The following KLF8 variants were observed in gnomAD, a reference collection of about 807,000 sequenced individuals.
KLF8 encodes Krueppel-like factor 8.
In KLF8, 10 loss-of-function variants were observed where a neutral mutation model predicts 18.2. The ratio of observed to expected loss-of-function variants is 0.55; its 90% confidence interval spans 0.34 to 0.93. The LOEUF is 0.93. KLF8 is among the 40% of genes least tolerant of loss of function. KLF8 has a pLI of 0.02. For synonymous variants in KLF8, 109 were observed against 97.3 expected, an observed-to-expected ratio of 1.12 and a Z score of -0.71; for missense variants, 264 against 277.9, an observed-to-expected ratio of 0.95 and a Z score of 0.36.
At chrX:56,155,665 A>G in the KLF8 span, among the ~76,000 whole-genome samples, 2 of 111,470 alleles carry the variant, frequency 1.8e-5, no homozygotes, top group African/African-American at 6.5e-5. Flanking sequence ...CTTTTTTTAA[A>G]TTTCAACTTT....
At chrX:56,184,740 C>T in the KLF8 span, among the ~76,000 whole-genome samples, 1 of 112,229 alleles carries the variant, frequency 8.9e-6, no homozygotes, top group Middle Eastern at 4.6e-3. Context: ...TCTGCAGCCA[C>T]TGCTGCTGAT....
the KLF8 span, among the ~76,000 whole-genome samples, chrX:56,035,624 A>G: frequency 8.9e-6 from 1 of 111,750 alleles, no homozygotes; most frequent in Non-Finnish European, 1.9e-5. Context: ...TTGCCAACAT[A>G]TGTTATTTTT....
At chrX:55,931,998 G>A in the KLF8 span, among the ~76,000 whole-genome samples, 5 of 110,665 alleles carry the variant, frequency 4.5e-5, no homozygotes, top group Non-Finnish European at 7.6e-5. Context: ...TTGTGTGGGA[G>A]TCTAAGTCTC....
the KLF8 span, among the ~76,000 whole-genome samples, chrX:56,043,158 G>A: frequency 3.6e-5 from 4 of 110,876 alleles, no homozygotes; most frequent in East Asian, 1.1e-3. Flanking sequence ...ATCTTTTCCA[G>A]CTTGTAGGGT....
chrX:55,933,007 T>A, the KLF8 span, among the ~76,000 whole-genome samples: 1 of 112,078 alleles, frequency 8.9e-6, no homozygotes, highest in East Asian at 2.8e-4. Flanking sequence ...TCTGTTTATG[T>A]CATTTCAGTG....
chrX:56,160,941 G>C, the KLF8 span, among the ~76,000 whole-genome samples: 1 of 111,116 alleles, frequency 9.0e-6, no homozygotes, highest in Non-Finnish European at 1.9e-5. Flanking sequence ...TATGATGTTA[G>C]CTGGTTATTT....
the KLF8 span, among the ~76,000 whole-genome samples, chrX:56,030,715 G>T: frequency 9.3e-6 from 1 of 107,607 alleles, no homozygotes; most frequent in Non-Finnish European, 1.9e-5. Context: ...GGGGCTGTGA[G>T]CTCAGGATTA....
the KLF8 span, among the ~76,000 whole-genome samples, chrX:56,149,363 T>A: frequency 9.0e-6 from 1 of 111,065 alleles, no homozygotes; most frequent in Admixed American, 9.7e-5. Flanking sequence ...TTCTTACATG[T>A]AAGTGGGAGC....
chrX:56,109,534 C>G, the KLF8 span, among the ~76,000 whole-genome samples: 1 of 111,256 alleles, frequency 9.0e-6, no homozygotes, highest in Non-Finnish European at 1.9e-5. Context: ...CATGTCCTCT[C>G]TTCTCTTGTT....
chrX:56,256,512 T>C (rs775062896), intron 2 of KLF8, among the ~76,000 whole-genome samples: 74 of 111,720 alleles, frequency 6.6e-4, no homozygotes, highest in African/African-American at 2.2e-3. Flanking sequence ...AGATTGTCTG[T>C]TTGAAGTTTT....
At chrX:55,971,094 A>T in the KLF8 span, among the ~76,000 whole-genome samples, 1 of 111,506 alleles carries the variant, frequency 9.0e-6, no homozygotes, top group Non-Finnish European at 1.9e-5. Flanking sequence ...CAACAGACCT[A>T]GAATAGCCAA....
At chrX:55,930,321 A>C in the KLF8 span, among the ~76,000 whole-genome samples, 14,557 of 111,318 alleles carry the variant, frequency 0.13, 1,737 homozygotes, top group African/African-American at 0.39. Context: ...CAGTCATGCT[A>C]TCTGCAAACC....
the KLF8 span, among the ~76,000 whole-genome samples, chrX:56,093,500 CAA>C: frequency 9.1e-6 from 1 of 110,033 alleles, no homozygotes; most frequent in Non-Finnish European, 1.9e-5. Context: ...CATTCACAGG[CAA>C]AGACTGAGGA....
At chrX:56,140,896 G>T in the KLF8 span, among the ~76,000 whole-genome samples, 2 of 110,510 alleles carry the variant, frequency 1.8e-5, no homozygotes, top group Non-Finnish European at 3.8e-5. Flanking sequence ...CCAACACAGG[G>T]TATTATCAAC....
At chrX:55,951,995 C>A in the KLF8 span, among the ~76,000 whole-genome samples, 4 of 111,994 alleles carry the variant, frequency 3.6e-5, no homozygotes, top group Non-Finnish European at 7.5e-5. Context: ...CTTGTTTATA[C>A]CCTGGCTGAG....
chrX:55,995,831 T>G, the KLF8 span, among the ~76,000 whole-genome samples: 2 of 111,541 alleles, frequency 1.8e-5, no homozygotes, highest in South Asian at 7.6e-4. Context: ...CTTGTTGACC[T>G]TGGAGAATCT....
At chrX:56,150,513 A>G in the KLF8 span, among the ~76,000 whole-genome samples, 2 of 111,852 alleles carry the variant, frequency 1.8e-5, no homozygotes, top group African/African-American at 6.5e-5. Flanking sequence ...TGTAGTGTGT[A>G]TTTTGTCAAA....
chrX:56,247,652 T>C (rs969401591), intron 1 of KLF8, among the ~76,000 whole-genome samples: 2 of 110,293 alleles, frequency 1.8e-5, no homozygotes, highest in East Asian at 5.7e-4. Context: ...CAAAGACACA[T>C]CAGCCTAGGC....
the KLF8 span, among the ~76,000 whole-genome samples, chrX:56,143,631 C>T: frequency 9.0e-6 from 1 of 111,566 alleles, no homozygotes; most frequent in Non-Finnish European, 1.9e-5. Context: ...ATTCCATTAC[C>T]AAGTTTCACC....
Sources: allele counts gnomAD v4.1 joint callset (sites outside exome capture counted in the v4.1 genomes callset), GRCh38; gene constraint gnomAD v4.1.1; transcripts MANE v1.5; gene names NCBI Gene and HGNC (gene_info 2026-07-23, HGNC 2026-07-21).